The following RBFOX1 variants were observed in gnomAD, a reference collection of about 807,000 sequenced individuals.
RBFOX1 encodes the protein RNA binding protein fox-1 homolog 1.
In RBFOX1, 8 loss-of-function variants were observed where a neutral mutation model predicts 57.7. That is an observed-to-expected ratio of 0.14 (90% confidence interval 0.08 to 0.25). RBFOX1 has a LOEUF of 0.25. RBFOX1 is among the 10% of genes least tolerant of loss of function. The pLI, the probability that RBFOX1 is intolerant of heterozygous loss-of-function variation, is 1.00. For synonymous variants in RBFOX1, 326 were observed against 222.4 expected (o/e 1.47, Z -4.15); for missense variants, 611 against 548.5 (o/e 1.11, Z -1.14).
Position 7,333,012 on chromosome 16 carries a change from C to G in RBFOX1, c.28-185135C>G, listed in dbSNP as rs147306562. 6.3e-5 allele frequency: 102 copies of G among 1,613,634 alleles called. 2 individuals are homozygous for G. The Middle Eastern group carries it at 4.3e-3, about 69-fold the overall frequency. On this transcript the variant is annotated intron_variant, in intron 4 of 15. Transcript: ENST00000550418. ...AACTCTACGTAAAGCATGCTGGCGT[C>G]TCAAGGAGTTCTCCTGCATCCTTAT...
At chr16:7,376,815 G>A (rs1239170373) in intron 4 of RBFOX1, among the ~76,000 whole-genome samples, 1 of 152,106 alleles carries the variant, frequency 6.6e-6, no homozygotes, top group Non-Finnish European at 1.5e-5. Flanking sequence ...CAGTAGAGAT[G>A]GGGAGAATTC....
At chr16:7,453,833 A>G (rs1598798858) in intron 4 of RBFOX1, among the ~76,000 whole-genome samples, 1 of 152,186 alleles carries the variant, frequency 6.6e-6, no homozygotes, top group South Asian at 2.1e-4. Flanking sequence ...TTAAGATGGC[A>G]TTCCTAGAGT....
chr16:7,497,293 C>G (rs1381693291), intron 4 of RBFOX1, among the ~76,000 whole-genome samples: 10 of 152,134 alleles, frequency 6.6e-5, no homozygotes, highest in Admixed American at 6.6e-4. Context: ...TTTCTGTGTT[C>G]TTTTATGCCC....
chr16:7,535,089 C>G (rs1421643050), intron 5 of RBFOX1, among the ~76,000 whole-genome samples: 2 of 152,176 alleles, frequency 1.3e-5, no homozygotes, highest in African/African-American at 4.8e-5. Context: ...GTACTTCTCT[C>G]TTTTATTAAC....
At chr16:7,137,512 C>T (rs1037220621) in intron 4 of RBFOX1, among the ~76,000 whole-genome samples, 10 of 152,168 alleles carry the variant, frequency 6.6e-5, no homozygotes, top group African/African-American at 1.9e-4. Flanking sequence ...TACCTTTCAC[C>T]TTCCGCCATG....
intron 1 of RBFOX1, among the ~76,000 whole-genome samples, chr16:6,148,057 G>A (rs548941789): frequency 5.4e-4 from 82 of 152,306 alleles, no homozygotes; most frequent in African/African-American, 1.9e-3. Context: ...GACTGGGCAC[G>A]GTGGCTCAAG....
chr16:7,491,057 C>T (rs185857545), intron 4 of RBFOX1, among the ~76,000 whole-genome samples: 2 of 152,112 alleles, frequency 1.3e-5, no homozygotes, highest in African/African-American at 4.8e-5. Flanking sequence ...AAAGAGACAA[C>T]CAAATGGCTC....
intron 3 of RBFOX1, among the ~76,000 whole-genome samples, chr16:7,022,893 A>T (rs2039730334): frequency 6.6e-6 from 1 of 152,206 alleles, no homozygotes; most frequent in African/African-American, 2.4e-5. Flanking sequence ...AATGCTGCAG[A>T]ACTAGGGCTT....
At chr16:6,296,874 A>G (rs1366784859) in intron 1 of RBFOX1, among the ~76,000 whole-genome samples, 2 of 152,200 alleles carry the variant, frequency 1.3e-5, no homozygotes, top group African/African-American at 2.4e-5. Flanking sequence ...GCAAGAAAGA[A>G]TTCAGGATGA....
chr16:6,540,410 G>C (rs1047387953), intron 2 of RBFOX1, among the ~76,000 whole-genome samples: 34 of 151,488 alleles, frequency 2.2e-4, no homozygotes, highest in African/African-American at 8.2e-4. Flanking sequence ...TCAGGAGATC[G>C]AGACTATCCT....
intron 1 of RBFOX1, among the ~76,000 whole-genome samples, chr16:5,341,507 A>G (rs1312011016): frequency 6.6e-6 from 1 of 152,072 alleles, no homozygotes; most frequent in Non-Finnish European, 1.5e-5. Flanking sequence ...GATGGATTGG[A>G]TGTGGGGTGG....
chr16:6,912,851 C>T (rs2072047110), intron 3 of RBFOX1, among the ~76,000 whole-genome samples: 1 of 152,132 alleles, frequency 6.6e-6, no homozygotes, highest in South Asian at 2.1e-4. Flanking sequence ...AACTCCTGAG[C>T]TCAAGTGATC....
At chr16:5,734,236 G>T (rs1367213844) in intron 3 of RBFOX1, among the ~76,000 whole-genome samples, 1 of 152,118 alleles carries the variant, frequency 6.6e-6, no homozygotes, top group Non-Finnish European at 1.5e-5. Flanking sequence ...GGCTGAGGTG[G>T]GAGTATCACT....
chr16:6,727,790 A>C (rs1603465716), intron 3 of RBFOX1, among the ~76,000 whole-genome samples: 2 of 152,232 alleles, frequency 1.3e-5, no homozygotes, highest in South Asian at 2.1e-4. Context: ...TTTGTCAGGC[A>C]TTTGAGGTCT....
chr16:5,630,762 C>G (rs1415944495), intron 3 of RBFOX1, among the ~76,000 whole-genome samples: 2 of 152,286 alleles, frequency 1.3e-5, no homozygotes, highest in East Asian at 1.9e-4. Context: ...CAGGCTCTAA[C>G]TCTCGCCTTG....
chr16:6,302,613 C>G (rs924477751), intron 1 of RBFOX1, among the ~76,000 whole-genome samples: 2 of 152,110 alleles, frequency 1.3e-5, no homozygotes, highest in African/African-American at 4.8e-5. Flanking sequence ...TATCTTTGCT[C>G]TTAAGCTTGT....
At chr16:6,793,350 T>A (rs903302699) in intron 3 of RBFOX1, among the ~76,000 whole-genome samples, 1 of 152,174 alleles carries the variant, frequency 6.6e-6, no homozygotes, top group Non-Finnish European at 1.5e-5. Flanking sequence ...TTCCAAAATA[T>A]GATTTTCTTC....
intron 3 of RBFOX1, among the ~76,000 whole-genome samples, chr16:6,832,039 T>C (rs2092744287): frequency 6.6e-6 from 1 of 152,262 alleles, no homozygotes; most frequent in African/African-American, 2.4e-5. Context: ...ATTGACAGCC[T>C]GCACTTAAGA....
intron 2 of RBFOX1, among the ~76,000 whole-genome samples, chr16:6,640,811 G>A (rs969528318): frequency 1.2e-4 from 19 of 152,038 alleles, no homozygotes; most frequent in Non-Finnish European, 2.4e-4. Context: ...ACGTTCTCTG[G>A]GCCTCTCTGA....
Sources: gnomAD v4.1 joint callset for allele counts (sites outside exome capture counted in the v4.1 genomes callset) on GRCh38, gnomAD v4.1.1 for gene constraint, MANE v1.5 for transcripts, NCBI Gene and HGNC (gene_info 2026-07-23, HGNC 2026-07-21) for gene names.